USP50: variants seen among roughly 807,000 people sequenced by gnomAD.
USP50 encodes the protein ubiquitin carboxyl-terminal hydrolase 50.
In USP50, 37 loss-of-function variants were observed where a neutral mutation model predicts 39.2. That is an observed-to-expected ratio of 0.94 (90% CI 0.73 to 1.24). The LOEUF (loss-of-function observed/expected upper bound fraction) is 1.24. Ranked by LOEUF, USP50 falls within the 50% of genes most tolerant of loss-of-function variation. The probability of loss-of-function intolerance (pLI) is 0.00; values close to 1 mark genes in which losing one functional copy is unlikely to be tolerated. For synonymous variants in USP50, 139 were observed against 144.5 expected, an observed-to-expected ratio of 0.96 and a Z score of 0.27; for missense variants, 374 against 398.2, an observed-to-expected ratio of 0.94 and a Z score of 0.52.
chr15:50,525,046 G>A (rs561246215), intron 6 of USP50, among the ~76,000 whole-genome samples: 35 of 152,276 alleles, frequency 2.3e-4, no homozygotes, highest in African/African-American at 7.9e-4. Flanking sequence ...TCTGTCAGTG[G>A]ATAAATGAAT....
chr15:50,501,724 C>T (rs2052591794), intron 6 of USP50: 1 of 152,096 alleles, frequency 6.6e-6, no homozygotes, highest in Non-Finnish European at 1.5e-5. Flanking sequence ...GAGAGGTGTA[C>T]TTCCAAGGAG....
In USP50 at chr15:50,541,052, A is replaced by T. The variant is rs2141379592; in HGVS notation, c.657T>A (p.Leu219=). 1 of 1,612,910 alleles carries T rather than the reference A, an allele frequency of 6.2e-7. No individual in the cohort carries two copies. Among genetic ancestry groups the T allele is most frequent in the East Asian group, 2.2e-5 (1 of 44,868 alleles). ...TCCAGGAATACTGCATTCCTACCCGAAGGGAGCATTCATATTTGGATGGAA... is the reference window on the plus strand; with the variant it reads ...TCCAGGAATACTGCATTCCTACCCGTAGGGAGCATTCATATTTGGATGGAA... ...LPIPSKYECS[L]RDCLQCFFQQ... The change falls in exon 4 of 7, where the codon CTT becomes CTA. Residue 219 remains leucine, a synonymous_variant. Coordinates refer to ENST00000532404, the MANE Select transcript of USP50 (RefSeq NM_203494.5).
intron 6 of USP50, chr15:50,502,370 G>A (rs2052603249): frequency 6.8e-6 from 1 of 147,880 alleles, no homozygotes; most frequent in African/African-American, 2.5e-5. Context: ...GCCTCCCAAA[G>A]TTATTTATTT....
At chr15:50,506,058 A>T (rs2052653936) in intron 6 of USP50, 1 of 152,248 alleles carries the variant, frequency 6.6e-6, no homozygotes, top group African/African-American at 2.4e-5. Flanking sequence ...GATCTTGATT[A>T]ACTTTAGGCT....
At chr15:50,535,619 A>G (rs1319617248) in intron 5 of USP50, among the ~76,000 whole-genome samples, 1 of 152,264 alleles carries the variant, frequency 6.6e-6, no homozygotes, top group East Asian at 1.9e-4. Context: ...AGCTTGAAAG[A>G]AATTTCAAAA....
intron 4 of USP50, among the ~76,000 whole-genome samples, chr15:50,540,398 A>T (rs1596020493): frequency 6.6e-6 from 1 of 152,114 alleles, no homozygotes; most frequent in African/African-American, 2.4e-5. Flanking sequence ...GGCCTTACAG[A>T]CCTCTGGGGT....
chr15:50,515,964 C>T (rs533048918), intron 6 of USP50, among the ~76,000 whole-genome samples: 108 of 152,104 alleles, frequency 7.1e-4, no homozygotes, highest in Admixed American at 2.1e-3. Context: ...CTAAAGCTAA[C>T]GTATCAATCA....
At chr15:50,525,600 GTATA>G (rs1232158756) in intron 6 of USP50, among the ~76,000 whole-genome samples, 1 of 142,846 alleles carries the variant, frequency 7.0e-6, no homozygotes, top group Non-Finnish European at 1.5e-5. Flanking sequence ...ATGTATATAT[GTATA>G]TGTATATATG....
At chr15:50,540,822 C>T (rs531281745) in intron 4 of USP50, among the ~76,000 whole-genome samples, 3 of 152,224 alleles carry the variant, frequency 2.0e-5, no homozygotes, top group East Asian at 3.9e-4. Context: ...CAGGGTTTCA[C>T]CATGTTGGCC....
In USP50 at chr15:50,500,778, G is replaced by C. The variant is rs2052570001; in HGVS notation, c.996C>G (p.Thr332=). 6.3e-7 allele frequency: 1 copy of C among 1,588,586 alleles called. No individual in the cohort carries two copies. Among genetic ancestry groups the C allele is most frequent in the Admixed American group, 1.8e-5 (1 of 55,932 alleles). ...TGTTATCAAAGCTATATCAGGCCTG[G>C]GTGACTGAATTCTTGCAGAAAGCAG... ...HYTAFCKNSV[T]QA is the part of the protein sequence containing the mutation. The change falls in exon 7 of 7, where the codon ACC becomes ACG. Residue 332 remains threonine, a synonymous_variant. Transcript: ENST00000532404.
intron 6 of USP50, among the ~76,000 whole-genome samples, chr15:50,518,769 G>A (rs2052824193): frequency 6.6e-6 from 1 of 152,092 alleles, no homozygotes; most frequent in African/African-American, 2.4e-5. Context: ...TTATGGCTAA[G>A]GCCTTAAAAG....
chr15:50,504,654 A>G (rs1188939788), intron 6 of USP50: 2 of 152,190 alleles, frequency 1.3e-5, no homozygotes, highest in Non-Finnish European at 2.9e-5. Flanking sequence ...TGTACTGGAA[A>G]TTAACTTAAT....
At chr15:50,545,172 T>A (rs959792473) in intron 1 of USP50, among the ~76,000 whole-genome samples, 11 of 152,150 alleles carry the variant, frequency 7.2e-5, no homozygotes, top group Admixed American at 2.6e-4. Flanking sequence ...AATTTCCTTC[T>A]AAAACTAAAG....
chr15:50,540,913 C>G lies in USP50; in HGVS notation c.660+136G>C, dbSNP rs1391120454. 3 of 709,930 alleles carry G rather than the reference C, an allele frequency of 4.2e-6. No individual in the cohort carries two copies. In the African/African-American group the frequency reaches 5.4e-5, roughly 13 times the overall value. The allele number at this position is 709,930 out of a possible 1,614,324, so 44.0% of individuals were successfully genotyped here. ...TGCTCGGATTACAGGCATGAGCCAC[C>G]GCACTCAGTCTATTTTTTTTTAAAT... On this transcript the variant is annotated intron_variant, in intron 4 of 6. Transcript: ENST00000532404.
chr15:50,541,960 ATCG>A (rs1219517585), intron 3 of USP50, among the ~76,000 whole-genome samples: 6 of 151,930 alleles, frequency 3.9e-5, no homozygotes, highest in Admixed American at 2.6e-4. Flanking sequence ...AACATCTGTA[ATCG>A]TCGTGCTTTG....
chr15:50,540,919 C>T (rs1169576508), intron 4 of USP50, 130 bp downstream of exon 4: 2 of 734,380 alleles, frequency 2.7e-6, no homozygotes, highest in African/African-American at 1.8e-5. Flanking sequence ...CCACCGCACT[C>T]AGTCTATTTT....
At chr15:50,532,158 T>C (rs772662879) in intron 5 of USP50, 3 of 456,250 alleles carry the variant, frequency 6.6e-6, no homozygotes, top group South Asian at 3.1e-5. Context: ...GACCACACTT[T>C]GTGAATTTTC....
At chr15:50,517,445 C>G (rs1049088610) in intron 6 of USP50, among the ~76,000 whole-genome samples, 17 of 149,946 alleles carry the variant, frequency 1.1e-4, no homozygotes, top group African/African-American at 3.4e-4. Context: ...GGACTCCAGC[C>G]TAGGCAACAA....
chr15:50,538,146 G>A (rs1370646530), intron 5 of USP50, among the ~76,000 whole-genome samples: 4 of 150,722 alleles, frequency 2.7e-5, no homozygotes, highest in Non-Finnish European at 4.4e-5. Flanking sequence ...GTGCGGTGGC[G>A]TGCACCTGTA....
Sources: gnomAD v4.1 joint callset for allele counts (sites outside exome capture counted in the v4.1 genomes callset) on GRCh38, gnomAD v4.1.1 for gene constraint, MANE v1.5 for transcripts, NCBI Gene and HGNC (gene_info 2026-07-23, HGNC 2026-07-21) for gene names.